The following GABPB1 variants were observed in gnomAD, a reference collection of about 807,000 sequenced individuals.
GABPB1 encodes GA binding protein transcription factor subunit beta 1, also known as GA-binding protein subunit beta-1.
GABPB1 carries 15 observed loss-of-function variants against 45.9 expected under a neutral mutation model. That is an observed-to-expected ratio of 0.33 (90% CI 0.22 to 0.50). The LOEUF (loss-of-function observed/expected upper bound fraction) is 0.50. GABPB1 is among the 20% of genes least tolerant of loss of function. The pLI, the probability that GABPB1 is intolerant of heterozygous loss-of-function variation, is 0.98. For synonymous variants in GABPB1, 143 were observed against 154.4 expected (o/e 0.93, Z 0.55); for missense variants, 252 against 457.5 (o/e 0.55, Z 4.10).
intron 1 of GABPB1, among the ~76,000 whole-genome samples, chr15:50,311,136 A>G (rs1410980713): frequency 6.6e-6 from 1 of 152,206 alleles, no homozygotes; most frequent in African/African-American, 2.4e-5. Flanking sequence ...AAAAAAGATT[A>G]TGACAGTAGA....
At chr15:50,295,262 CA>C (rs1360026847) in intron 6 of GABPB1, among the ~76,000 whole-genome samples, 1 of 152,128 alleles carries the variant, frequency 6.6e-6, no homozygotes, top group Non-Finnish European at 1.5e-5. Context: ...CTAAACCTGC[CA>C]AAGTGATCAT....
At chr15:50,282,538 AGT>A (rs2046011109) in intron 8 of GABPB1, 1 of 144,910 alleles carries the variant, frequency 6.9e-6, no homozygotes, top group Admixed American at 7.7e-5. Flanking sequence ...TGGGTGACAA[AGT>A]GAGACCCTGC....
intron 6 of GABPB1, among the ~76,000 whole-genome samples, chr15:50,290,154 T>C (rs939364237): frequency 2.6e-5 from 4 of 152,236 alleles, no homozygotes; most frequent in African/African-American, 7.2e-5. Context: ...ATGTAACCAG[T>C]TGATTACAAG....
chr15:50,317,936 A>T (rs1261602961), intron 1 of GABPB1, among the ~76,000 whole-genome samples: 5 of 151,950 alleles, frequency 3.3e-5, no homozygotes, highest in African/African-American at 9.7e-5. Context: ...TAGTTATTGA[A>T]AGCATTTTTC....
intron 1 of GABPB1, among the ~76,000 whole-genome samples, chr15:50,310,565 A>T (rs922092505): frequency 1.3e-5 from 2 of 152,250 alleles, no homozygotes; most frequent in Non-Finnish European, 2.9e-5. Flanking sequence ...TCAAAATTTT[A>T]AAAAACAAAT....
intron 1 of GABPB1, chr15:50,352,340 T>C (rs1032413592): frequency 5.3e-5 from 8 of 152,008 alleles, no homozygotes; most frequent in Admixed American, 1.3e-4. Flanking sequence ...GCATACTTTT[T>C]TTTTTTTTTT....
At chr15:50,317,999 CAT>C (rs1242495457) in intron 1 of GABPB1, among the ~76,000 whole-genome samples, 2 of 151,758 alleles carry the variant, frequency 1.3e-5, no homozygotes, top group African/African-American at 4.8e-5. Flanking sequence ...ATACTATAAT[CAT>C]GTGTACGTGT....
chr15:50,289,409 G>T, intron 7 of GABPB1, 74 bp downstream of exon 7: 1 of 897,086 alleles, frequency 1.1e-6, no homozygotes, highest in Non-Finnish European at 1.6e-6. Flanking sequence ...TTTTTGGACT[G>T]CAGGGAAGAC....
At chr15:50,350,624 G>A (rs933561586) in intron 1 of GABPB1, 6 of 151,346 alleles carry the variant, frequency 4.0e-5, no homozygotes, top group Non-Finnish European at 5.9e-5. Context: ...TGTAAACCTC[G>A]GCATATTTAA....
At position 50,304,143 on chromosome 15, in the gene GABPB1, A is replaced by AG; in HGVS notation, c.109-11dup. On this transcript the variant is annotated splice_polypyrimidine_tract_variant and intron_variant, in intron 2 of 8. Transcript: ENST00000380877. ...GTGGAGAAGTTCCCAGCTGTACCAC[A>AG]GAAAAAAAAAAAAATCCACATTTAC... 6.4e-7 allele frequency: 1 copy of AG among 1,556,386 alleles called. No individual in the cohort carries two copies. Among genetic ancestry groups the AG allele is most frequent in the Non-Finnish European group, 8.6e-7 (1 of 1,157,272 alleles).
In GABPB1 at chr15:50,278,058, G is replaced by A. The variant is rs1275715262; in HGVS notation, c.*574C>T. On this transcript the variant is annotated 3_prime_UTR_variant, in exon 9 of 9. Coordinates refer to ENST00000380877, the MANE Select transcript of GABPB1 (RefSeq NM_016654.5). The stretch of plus-strand genomic sequence containing the variant: ...CAAACAGAAATTTTTAAAAATATTT[G>A]CTTCATATACATGTAAATCTACTTG... The A allele has an allele frequency of 3.3e-5, 5 of 152,464 alleles. No homozygotes were observed. The highest frequency in any genetic ancestry group is 1.2e-4 in the African/African-American group (5 of 41,394). 9.4% of individuals were successfully genotyped at this position (152,464 alleles called of 1,614,324 possible). A position where few individuals can be genotyped will look rare whatever the true frequency, so the allele number is the denominator to read the frequency against.
chr15:50,286,343 GTC>G (rs902550646), intron 7 of GABPB1, among the ~76,000 whole-genome samples, 160 bp from the exon 8 acceptor site: 1 of 151,644 alleles, frequency 6.6e-6, no homozygotes, highest in Non-Finnish European at 1.5e-5. Context: ...ATCCATATTT[GTC>G]TTTTTTATTA....
intron 1 of GABPB1, among the ~76,000 whole-genome samples, chr15:50,324,840 C>T (rs1204541907): frequency 6.6e-6 from 1 of 152,134 alleles, no homozygotes; most frequent in Non-Finnish European, 1.5e-5. Flanking sequence ...AGCCACCCCG[C>T]CTGGCCTCTG....
chr15:50,323,004 G>A (rs2047628511), intron 1 of GABPB1, among the ~76,000 whole-genome samples: 1 of 152,122 alleles, frequency 6.6e-6, no homozygotes, highest in Non-Finnish European at 1.5e-5. Flanking sequence ...ACTCCTGTCT[G>A]GGCAACAGGA....
chr15:50,300,955 A>G, intron 5 of GABPB1, 53 bp from the exon 6 acceptor site: 1 of 1,061,504 alleles, frequency 9.4e-7, no homozygotes, highest in Admixed American at 1.8e-5. Flanking sequence ...AATCCAATGC[A>G]TATTTCTGAT....
intron 1 of GABPB1, among the ~76,000 whole-genome samples, chr15:50,326,778 G>A (rs1247768536): frequency 6.6e-6 from 1 of 151,780 alleles, no homozygotes; most frequent in Non-Finnish European, 1.5e-5. Context: ...AGGCTGCACT[G>A]AGCCATGATC....
At position 50,289,672 on chromosome 15, in the gene GABPB1, G is replaced by GAAA; in HGVS notation, c.698-7_698-5dup. The GAAA allele has an allele frequency of 3.2e-6, 4 of 1,247,536 alleles. No individual in the cohort carries two copies. The highest frequency in any genetic ancestry group is 4.4e-6 in the Non-Finnish European group (4 of 913,018). The allele number at this position is 1,247,536 out of a possible 1,614,324, so 77.3% of individuals were successfully genotyped here. ...ACTACTTCTTCTGTGGCCACTACTG[G>GAAA]AAAAAAAAAAAAGAAAACTCAGCAA... On this transcript the variant is annotated splice_polypyrimidine_tract_variant and splice_region_variant and intron_variant, in intron 6 of 8. Coordinates refer to ENST00000380877, the MANE Select transcript of GABPB1 (RefSeq NM_016654.5).
rs1468235527 is a variant in GABPB1, at chr15:50,301,321, A to C, written c.519T>G (p.Thr173=). The stretch of plus-strand genomic sequence containing the variant: ...GTGGTGTTGCAGCATGTATTGTCAC[A>C]GTGTCAGGACTCTCTGGGTTTGTGT... ...QINTNPESPD[T]VTIHAATPQF... Residue 173 remains threonine, a synonymous_variant, in exon 5 of 9, where the codon ACT becomes ACG. Coordinates refer to ENST00000380877, the MANE Select transcript of GABPB1 (RefSeq NM_016654.5). The C allele has an allele frequency of 1.9e-6, 3 of 1,614,162 alleles. No homozygotes were observed. The highest frequency in any genetic ancestry group is 3.3e-4 in the Middle Eastern group (2 of 6,062).
intron 1 of GABPB1, among the ~76,000 whole-genome samples, chr15:50,314,253 G>A (rs1350856490): frequency 6.6e-6 from 1 of 151,538 alleles, no homozygotes; most frequent in African/African-American, 2.4e-5. Context: ...GCGTGATCTC[G>A]GCTCACTGCA....
Sources: gnomAD v4.1 joint callset for allele counts (sites outside exome capture counted in the v4.1 genomes callset) on GRCh38, gnomAD v4.1.1 for gene constraint, MANE v1.5 for transcripts, NCBI Gene and HGNC (gene_info 2026-07-23, HGNC 2026-07-21) for gene names.